The following PSD3 variants were observed in gnomAD, a reference collection of about 807,000 sequenced individuals.
The protein encoded by PSD3 is pleckstrin and Sec7 domain containing 3.
PSD3 carries 49 observed loss-of-function variants against 105.5 expected under a neutral mutation model. The observed-to-expected ratio is 0.46, with a 90% CI of 0.37 to 0.59. The LOEUF (loss-of-function observed/expected upper bound fraction) is 0.59. PSD3 is among the 20% of genes least tolerant of loss of function. The pLI is 0.00. For synonymous variants in PSD3, 557 were observed against 457.8 expected (o/e 1.22, Z -2.77); for missense variants, 1,561 against 1,263.8 (o/e 1.24, Z -3.57).
upstream of PSD3, among the ~76,000 whole-genome samples, chr8:19,016,790 A>G (rs1827192229): frequency 6.6e-6 from 1 of 152,188 alleles, no homozygotes; most frequent in Admixed American, 6.5e-5. Flanking sequence ...CATGGTGGAA[A>G]GCATCACATA....
At chr8:18,860,366 TGA>T (rs1242529791) in intron 4 of PSD3, among the ~76,000 whole-genome samples, 1 of 151,606 alleles carries the variant, frequency 6.6e-6, no homozygotes, top group African/African-American at 2.4e-5. Flanking sequence ...GACTAAAATG[TGA>T]CACAGAGACA....
At chr8:18,941,996 A>T (rs1355042246) in intron 1 of PSD3, among the ~76,000 whole-genome samples, 4 of 152,048 alleles carry the variant, frequency 2.6e-5, no homozygotes, top group African/African-American at 4.8e-5. Flanking sequence ...CTTTTAATTA[A>T]TTGTTTAGCT....
intron 9 of PSD3, among the ~76,000 whole-genome samples, chr8:18,670,817 T>C (rs1346164795): frequency 6.6e-6 from 1 of 152,146 alleles, no homozygotes. Flanking sequence ...TCTGAGGGGA[T>C]ACACACAACC....
chr8:18,868,163 T>C, intron 3 of PSD3, 94 bp from the exon 4 acceptor site: 1 of 1,272,464 alleles, frequency 7.9e-7, no homozygotes, highest in Non-Finnish European at 1.1e-6. Context: ...ATTCTGAAGA[T>C]CTAACTCTTC....
chr8:18,614,534 C>G (rs1421384748), intron 11 of PSD3, among the ~76,000 whole-genome samples: 1 of 152,032 alleles, frequency 6.6e-6, no homozygotes, highest in African/African-American at 2.4e-5. Flanking sequence ...AATAAGGTAT[C>G]AGTAAACACC....
chr8:18,955,663 G>C (rs1472022143), intron 1 of PSD3, among the ~76,000 whole-genome samples: 1 of 152,186 alleles, frequency 6.6e-6, no homozygotes, highest in African/African-American at 2.4e-5. Flanking sequence ...ACACGTTGCT[G>C]AGCTGTCCTC....
chr8:18,575,656 T>G (rs938842782), intron 12 of PSD3, among the ~76,000 whole-genome samples: 4 of 152,178 alleles, frequency 2.6e-5, no homozygotes, highest in African/African-American at 4.8e-5. Context: ...GGTTTCAGGA[T>G]TAAATGGTTA....
At chr8:18,826,634 A>C (rs191193536) in intron 4 of PSD3, among the ~76,000 whole-genome samples, 116 of 152,320 alleles carry the variant, frequency 7.6e-4, no homozygotes, top group African/African-American at 2.7e-3. Flanking sequence ...TGGAACATCT[A>C]CTGTGTTATC....
Position 18,801,264 on chromosome 8 carries a change from G to C in PSD3, c.2023+6C>G, listed in dbSNP as rs756688184. On this transcript the variant is annotated splice_donor_region_variant and intron_variant, in intron 7 of 15. Transcript: ENST00000327040. ...AAAAGAAATTCAAGGATTTGTATCA[G>C]ATTACCTTGTGAAGCAATGGTATCT... is the stretch of plus-strand genomic sequence containing the variant. 9 of 1,497,728 alleles carry C rather than the reference G, an allele frequency of 6.0e-6. No individual in the cohort carries two copies. In the Admixed American group the frequency reaches 9.1e-5, roughly 15 times the overall value. 92.8% of individuals were successfully genotyped at this position (1,497,728 alleles called of 1,614,324 possible). A position where few individuals can be genotyped will look rare whatever the true frequency, so the allele number is the denominator to read the frequency against.
At chr8:18,712,155 GCCCACAGCAAA>G (rs1240503698) in intron 9 of PSD3, among the ~76,000 whole-genome samples, 1 of 151,998 alleles carries the variant, frequency 6.6e-6, no homozygotes, top group Non-Finnish European at 1.5e-5. Context: ...AGTACTAAAT[GCCCACAGCAAA>G]AAGCTACAAA....
rs548540494 is a variant in PSD3, at chr8:18,752,374, T to C, written c.2172+13075A>G. Among the ~76,000 whole-genome samples the C allele has an allele frequency of 1.8e-3, 265 of 144,812 alleles. 2 individuals are homozygous for C. Among genetic ancestry groups the C allele is most frequent in the Middle Eastern group, 0.01 (3 of 292 alleles). On this transcript the variant is annotated intron_variant, in intron 9 of 15. Coordinates refer to ENST00000327040, the MANE Select transcript of PSD3 (RefSeq NM_015310.4). The stretch of plus-strand genomic sequence containing the variant: ...ATACTGTGGCCAACAGGAGGGTCTC[T>C]TGTCCTTAAGAATACTGGAAGGAAG...
In PSD3 at chr8:18,547,195, C is replaced by T. The variant is rs185383479; in HGVS notation, c.2928+9014G>A. 3.7e-3 allele frequency among the ~76,000 whole-genome samples: 567 copies of T among 152,246 alleles called. 3 individuals are homozygous for T. Among genetic ancestry groups the T allele is most frequent in the African/African-American group, 0.013 (541 of 41,534 alleles). On this transcript the variant is annotated intron_variant, in intron 15 of 15. Transcript: ENST00000327040. ...TGGTGGCACACAGAGGCTACCAACC[C>T]TCAGAGCAGGACACACTCTAGCAGT... is the stretch of plus-strand genomic sequence containing the variant.
intron 9 of PSD3, among the ~76,000 whole-genome samples, chr8:18,727,658 T>C (rs1257674537): frequency 7.9e-5 from 12 of 152,050 alleles, no homozygotes; most frequent in Non-Finnish European, 1.8e-4. Flanking sequence ...TATTCCAGGC[T>C]GGCTATCATT....
At chr8:19,074,635 T>TGAGATGGAG (rs1829400311) in intron 1 of PSD3, among the ~76,000 whole-genome samples, 1 of 107,856 alleles carries the variant, frequency 9.3e-6, no homozygotes, top group East Asian at 3.0e-4. Flanking sequence ...TTTTTTTTTT[T>TGAGATGGAG]TTTGAGATGG....
intron 9 of PSD3, among the ~76,000 whole-genome samples, chr8:18,711,066 T>C (rs769485945): frequency 2.6e-5 from 4 of 152,088 alleles, no homozygotes; most frequent in Non-Finnish European, 4.4e-5. Context: ...GGAAATAAAA[T>C]CTTTTTCAGA....
intron 2 of PSD3, among the ~76,000 whole-genome samples, chr8:18,878,357 A>T (rs1181116372): frequency 1.3e-5 from 2 of 152,190 alleles, no homozygotes; most frequent in Non-Finnish European, 2.9e-5. Context: ...TACATACCAG[A>T]TCATGTCATC....
chr8:18,672,169 C>A (rs1456737880), intron 9 of PSD3, among the ~76,000 whole-genome samples: 1 of 151,870 alleles, frequency 6.6e-6, no homozygotes, highest in Non-Finnish European at 1.5e-5. Flanking sequence ...AATTTGAGAA[C>A]ATAGGAAAAC....
intron 1 of PSD3, among the ~76,000 whole-genome samples, 191 bp downstream of exon 1, chr8:19,013,372 C>G (rs1827044393): frequency 6.6e-6 from 1 of 152,104 alleles, no homozygotes; most frequent in Non-Finnish European, 1.5e-5. Flanking sequence ...GTTGACCCTG[C>G]TGGGCTCCTA....
chr8:19,006,335 T>C (rs574716747), intron 1 of PSD3, among the ~76,000 whole-genome samples: 20 of 150,014 alleles, frequency 1.3e-4, no homozygotes, highest in Admixed American at 2.7e-4. Context: ...TACATACAGA[T>C]GCATGCATGT....
Sources: allele counts gnomAD v4.1 joint callset (sites outside exome capture counted in the v4.1 genomes callset), GRCh38; gene constraint gnomAD v4.1.1; transcripts MANE v1.5; gene names NCBI Gene and HGNC (gene_info 2026-07-23, HGNC 2026-07-21).